Variants in PPP1R14C observed in about 807,000 individuals in gnomAD.
The protein encoded by PPP1R14C is protein phosphatase 1 regulatory subunit 14C.
In PPP1R14C, 16 loss-of-function variants were observed where a neutral mutation model predicts 20.4. That is an observed-to-expected ratio of 0.78 (90% confidence interval 0.53 to 1.19). The LOEUF (loss-of-function observed/expected upper bound fraction) is 1.19. Among genes scored for constraint, PPP1R14C ranks in the 50% most tolerant of loss-of-function variants. The pLI, the probability that PPP1R14C is intolerant of heterozygous loss-of-function variation, is 0.00. For missense variants in PPP1R14C, 211 were observed against 220.1 expected (o/e 0.96, Z 0.26); for synonymous variants, 91 against 91.0 (o/e 1.00, Z 0.00).
chr6:150,179,490 G>T (rs1180673034), intron 1 of PPP1R14C, among the ~76,000 whole-genome samples: 1 of 152,096 alleles, frequency 6.6e-6, no homozygotes, highest in Non-Finnish European at 1.5e-5. Context: ...GTAACAGACA[G>T]CCCAGGTGTA....
At position 150,249,451 on chromosome 6, in the gene PPP1R14C, A is replaced by C. The variant is rs1778535351; in HGVS notation, c.*631A>C. The C allele has an allele frequency of 2.5e-6, 1 of 398,504 alleles. No individual in the cohort carries two copies. The highest frequency in any genetic ancestry group is 2.1e-5 in the African/African-American group (1 of 48,624). 24.7% of individuals were successfully genotyped at this position (398,504 alleles called of 1,614,324 possible). ...AGAATTCAGTGTATCCGTTATTTTA[A>C]TGCACTACACCACAGAAATGTTAAG... On this transcript the variant is annotated 3_prime_UTR_variant, in exon 4 of 4. Transcript: ENST00000361131.
intron 1 of PPP1R14C, among the ~76,000 whole-genome samples, chr6:150,198,642 G>T (rs796686862): frequency 2.6e-5 from 4 of 152,348 alleles, no homozygotes; most frequent in African/African-American, 9.6e-5. Context: ...CCTCAGCAAT[G>T]CCATCTGTTC....
chr6:150,246,483 A>C (rs745825679), intron 3 of PPP1R14C, among the ~76,000 whole-genome samples: 2 of 152,234 alleles, frequency 1.3e-5, no homozygotes, highest in Non-Finnish European at 2.9e-5. Context: ...AATTGAATAT[A>C]AATAGGAAAA....
At chr6:150,210,240 G>A (rs1394731950) in intron 1 of PPP1R14C, among the ~76,000 whole-genome samples, 3 of 152,104 alleles carry the variant, frequency 2.0e-5, no homozygotes, top group African/African-American at 7.2e-5. Flanking sequence ...ACTGTGTGTT[G>A]GTTTGTGAGG....
chr6:150,248,914 G>T lies in PPP1R14C; in HGVS notation c.*94G>T, dbSNP rs2114937648. 7.4e-6 allele frequency: 5 copies of T among 677,252 alleles called. No individual in the cohort carries two copies. The highest frequency in any genetic ancestry group is 5.2e-5 in the South Asian group (2 of 38,654). 42.0% of individuals were successfully genotyped at this position (677,252 alleles called of 1,614,324 possible). A position where few individuals can be genotyped will look rare whatever the true frequency, so the allele number is the denominator to read the frequency against. The stretch of plus-strand genomic sequence containing the variant: ...TTTGTGAAAGAATAGGTGTCCTTAT[G>T]AACAACGTTTTTGTTTTTTTTTTTT... On this transcript the variant is annotated 3_prime_UTR_variant, in exon 4 of 4. Transcript: ENST00000361131.
chr6:150,155,288 G>C (rs1475526047), intron 1 of PPP1R14C, among the ~76,000 whole-genome samples: 2 of 152,118 alleles, frequency 1.3e-5, no homozygotes, highest in African/African-American at 4.8e-5. Flanking sequence ...AAAAACTTAA[G>C]ATTTTTTATG....
chr6:150,158,448 T>C (rs1777328821), intron 1 of PPP1R14C, among the ~76,000 whole-genome samples: 1 of 152,174 alleles, frequency 6.6e-6, no homozygotes, highest in African/African-American at 2.4e-5. Flanking sequence ...TCTTGTTGGG[T>C]TGCTTCAAGA....
chr6:150,185,526 G>A lies in PPP1R14C; in HGVS notation c.307-29218G>A, dbSNP rs535769183. Among the ~76,000 whole-genome samples the A allele has an allele frequency of 7.9e-5, 12 of 152,152 alleles. No individual in the cohort carries two copies. Among genetic ancestry groups the A allele is most frequent in the Non-Finnish European group, 1.6e-4 (11 of 68,034 alleles). On this transcript the variant is annotated intron_variant, in intron 1 of 3. Transcript: ENST00000361131. The surrounding 1 kb of genome is among the most constrained non-coding windows in gnomAD (Gnocchi z 4.1). ...GTCTGACAGATGATGTGTGTGATTG[G>A]AAGATGCTGTGTTTCTGCCTACCCT...
chr6:150,208,339 G>A (rs1296895640), intron 1 of PPP1R14C, among the ~76,000 whole-genome samples: 1 of 152,146 alleles, frequency 6.6e-6, no homozygotes, highest in African/African-American at 2.4e-5. Flanking sequence ...TCTTCCATGT[G>A]TGGCCTGGTT....
intron 3 of PPP1R14C, among the ~76,000 whole-genome samples, chr6:150,227,801 G>A (rs1355589627): frequency 1.3e-5 from 2 of 152,214 alleles, no homozygotes; most frequent in Non-Finnish European, 2.9e-5. Context: ...GTAGCCACTG[G>A]CTACAAAAGC....
chr6:150,151,255 G>C (rs748432000), intron 1 of PPP1R14C, among the ~76,000 whole-genome samples: 4 of 152,132 alleles, frequency 2.6e-5, no homozygotes, highest in African/African-American at 9.7e-5. Context: ...GTCTGAAAAT[G>C]AGTTTCTCAT....
chr6:150,218,231 G>A (rs1036953830), intron 3 of PPP1R14C, among the ~76,000 whole-genome samples: 3 of 151,994 alleles, frequency 2.0e-5, no homozygotes, highest in South Asian at 2.1e-4. Context: ...GTGAAACCCC[G>A]TCTCTACTAA....
chr6:150,236,246 G>T (rs1000957570), intron 3 of PPP1R14C, among the ~76,000 whole-genome samples: 1 of 151,768 alleles, frequency 6.6e-6, no homozygotes, highest in Non-Finnish European at 1.5e-5. Flanking sequence ...AAAATAAACA[G>T]AGTGGCTGTC....
In PPP1R14C at chr6:150,169,300, GA is replaced by G. The variant is rs374037932; in HGVS notation, c.306+25804del. Among the ~76,000 whole-genome samples, 844 of 152,264 alleles carry G rather than the reference GA, an allele frequency of 5.5e-3. 6 individuals are homozygous for G. The highest frequency in any genetic ancestry group is 0.018 in the African/African-American group (740 of 41,532). ...AATGAATTCACTGCATGGAGTTTTT[GA>G]ATAATAATTTAATGGTAACTGATTC... On this transcript the variant is annotated intron_variant, in intron 1 of 3. Transcript: ENST00000361131.
chr6:150,242,452 T>C (rs1249891746), intron 3 of PPP1R14C, among the ~76,000 whole-genome samples: 1 of 152,174 alleles, frequency 6.6e-6, no homozygotes, highest in Admixed American at 6.5e-5. Flanking sequence ...TTTAAAAAAC[T>C]AGGAGGGGGA....
At position 150,144,581 on chromosome 6, in the gene PPP1R14C, AC is replaced by A. The variant is rs751999377; in HGVS notation, c.306+1084del. ...GTTCATTCAACTGTTGTGCTCTTCA[AC>A]AGAGATGACAACCAGATGAACTCAC... On this transcript the variant is annotated intron_variant, in intron 1 of 3. Coordinates refer to ENST00000361131, the MANE Select transcript of PPP1R14C (RefSeq NM_030949.3). Among the ~76,000 whole-genome samples the A allele has an allele frequency of 2.6e-5, 4 of 152,242 alleles. No individual in the cohort carries two copies. The South Asian group carries it at 8.3e-4, about 31-fold the overall frequency.
intron 3 of PPP1R14C, among the ~76,000 whole-genome samples, chr6:150,234,350 G>A (rs1326856941): frequency 3.3e-5 from 5 of 151,984 alleles, no homozygotes; most frequent in African/African-American, 1.2e-4. Context: ...AAAAAGTTGA[G>A]CATACACATT....
chr6:150,143,320 C>T lies in PPP1R14C; in HGVS notation c.128C>T (p.Ser43Phe), dbSNP rs771076826. The T allele has an allele frequency of 6.3e-7, 1 of 1,599,898 alleles. No individual in the cohort carries two copies. Among genetic ancestry groups the T allele is most frequent in the Admixed American group, 1.7e-5 (1 of 58,854 alleles). The part of the protein sequence containing the change: ...SPGSSSGSGS[S>F]REDSAPVATA... ...GGCTCCAGCAGCGGCTCAGGCTCCT[C>T]CCGGGAGGACTCGGCGCCCGTGGCC... Residue 43 changes from serine (S) to phenylalanine (F), a missense_variant, in exon 1 of 4, where the codon TCC (serine) becomes TTC (phenylalanine). Coordinates refer to ENST00000361131, the MANE Select transcript of PPP1R14C (RefSeq NM_030949.3). This position sits in a 1 kb window ranked among gnomAD's most constrained non-coding sequence, Gnocchi z 5.6.
intron 3 of PPP1R14C, among the ~76,000 whole-genome samples, chr6:150,228,862 G>A (rs11963544): frequency 0.1 from 15,283 of 152,114 alleles, 1,322 homozygotes; most frequent in African/African-American, 0.23. Context: ...AGATGGCAGT[G>A]TAGGAAAAGC....
Sources: allele counts gnomAD v4.1 joint callset (sites outside exome capture counted in the v4.1 genomes callset), GRCh38; gene constraint gnomAD v4.1.1; non-coding constraint Gnocchi (gnomAD v3.1); transcripts MANE v1.5; gene names NCBI Gene and HGNC (gene_info 2026-07-23, HGNC 2026-07-21).